The following GATM variants were observed in gnomAD, a reference collection of about 807,000 sequenced individuals.
GATM encodes the protein glycine amidinotransferase, mitochondrial.
Under a neutral mutation model 54.2 loss-of-function variants are expected in GATM, and 23 were observed. The observed-to-expected ratio is 0.42, with a 90% CI of 0.31 to 0.60. GATM has a LOEUF of 0.60. Among genes scored for constraint, GATM ranks in the 20% least tolerant of loss-of-function variants. GATM has a pLI of 0.14. For synonymous variants in GATM, 168 were observed against 183.1 expected (o/e 0.92, Z 0.67); for missense variants, 401 against 544.9 (o/e 0.74, Z 2.63).
At chr15:45,397,807 T>A (rs1266366102) in intron 2 of GATM, among the ~76,000 whole-genome samples, 2 of 152,178 alleles carry the variant, frequency 1.3e-5, no homozygotes. Context: ...CTTGAGGGAC[T>A]GGGCCCTGAA....
At chr15:45,376,123 C>A (rs140279017) in intron 2 of GATM, among the ~76,000 whole-genome samples, 14 of 152,276 alleles carry the variant, frequency 9.2e-5, no homozygotes, top group Non-Finnish European at 1.8e-4. Context: ...GAGGAGGGAT[C>A]CACTTGAGCA....
chr15:45,369,737 A>G, intron 2 of GATM: 1 of 559,088 alleles, frequency 1.8e-6, no homozygotes, highest in Non-Finnish European at 3.2e-6. Flanking sequence ...TGATATTTTG[A>G]GGCCTTTTGC....
chr15:45,367,695 A>T (rs1889471979), intron 4 of GATM, among the ~76,000 whole-genome samples: 1 of 152,216 alleles, frequency 6.6e-6, no homozygotes, highest in Non-Finnish European at 1.5e-5. Flanking sequence ...AGTGAACTTC[A>T]GTCTAGTGAC....
At chr15:45,396,577 A>G (rs377152689) in intron 3 of GATM, among the ~76,000 whole-genome samples, 11 of 152,164 alleles carry the variant, frequency 7.2e-5, no homozygotes, top group African/African-American at 2.4e-4. Context: ...CAGTCTTAAG[A>G]TACAGTATTT....
intron 2 of GATM, 23 bp from the exon 3 acceptor site, chr15:45,369,544 A>G (rs769670836): frequency 6.3e-7 from 1 of 1,599,714 alleles, no homozygotes; most frequent in East Asian, 2.2e-5. Context: ...GCAAATAAAC[A>G]CAATACTTAC....
intron 1 of GATM, chr15:45,377,029 T>C (rs1889650210): frequency 1.6e-6 from 1 of 606,156 alleles, no homozygotes; most frequent in Non-Finnish European, 3.0e-6. Context: ...AATTGTCTTC[T>C]TATCTATTAA....
At position 45,368,006 on chromosome 15, in the gene GATM, ATCTTACTCT is replaced by A. The variant is rs1889475775; in HGVS notation, c.675+55_675+63del. 1.4e-6 allele frequency: 2 copies of A among 1,412,998 alleles called. No individual in the cohort carries two copies. Among genetic ancestry groups the A allele is most frequent in the Non-Finnish European group, 2.0e-6 (2 of 1,002,388 alleles). The allele number at this position is 1,412,998 out of a possible 1,614,324, so 87.5% of individuals were successfully genotyped here. On this transcript the variant is annotated intron_variant, in intron 4 of 8. Coordinates refer to ENST00000396659, the MANE Select transcript of GATM (RefSeq NM_001482.3). This position sits in a 1 kb window ranked among gnomAD's most constrained non-coding sequence, Gnocchi z 5.1. ...ATATACAAGGTATCAGAGAATCTCT[ATCTTACTCT>A]TTGTGGATCATTTAGAAAAGTTAGT...
At chr15:45,375,512 A>C (rs556365314) in intron 2 of GATM, among the ~76,000 whole-genome samples, 5 of 152,206 alleles carry the variant, frequency 3.3e-5, no homozygotes, top group Non-Finnish European at 7.4e-5. Context: ...GAAGAGACTT[A>C]GGTAGGGGCA....
At position 45,362,107 on chromosome 15, in the gene GATM, G is replaced by C. The variant is rs779713846; in HGVS notation, c.*2C>G. 6.3e-7 allele frequency: 1 copy of C among 1,577,128 alleles called. No homozygotes were observed. The highest frequency in any genetic ancestry group is 8.7e-7 in the Non-Finnish European group (1 of 1,146,986). On this transcript the variant is annotated 3_prime_UTR_variant, in exon 9 of 9. Transcript: ENST00000396659. The stretch of plus-strand genomic sequence containing the variant: ...GCCAGCCACAAGCTCCATCAGGCCT[G>C]TTCAGTCCAAGTAGGACTGTAAGGT...
chr15:45,375,998 G>C (rs1400478320), intron 2 of GATM, among the ~76,000 whole-genome samples: 1 of 152,208 alleles, frequency 6.6e-6, no homozygotes. Flanking sequence ...AATGAGGCAA[G>C]ATTCATTTTT....
At chr15:45,396,377 A>C (rs1889930646) in intron 3 of GATM, 1 of 152,248 alleles carries the variant, frequency 6.6e-6, no homozygotes, top group Non-Finnish European at 1.5e-5. Flanking sequence ...TCAAAGTATA[A>C]GAGATTTTTC....
intron 2 of GATM, chr15:45,397,090 G>A (rs1051282061): frequency 6.6e-6 from 1 of 151,534 alleles, no homozygotes; most frequent in Non-Finnish European, 1.5e-5. Context: ...TTCCTGTTGT[G>A]AAGTAAGAAA....
Position 45,369,401 on chromosome 15 carries a change from C to T in GATM, c.409G>A (p.Glu137Lys), listed in dbSNP as rs748495613. ...TCAGGCCTCCTTACTGTCACTCCTT[C>T]CGTTTTTAAAATATTGCACATTTCT... ...IEEMCNILKTEGVTVRRPDPI... is the reference protein window; with the variant it reads ...IEEMCNILKTKGVTVRRPDPI... Residue 137 changes from glutamate (E) to lysine (K), a missense_variant, in exon 3 of 9, where the codon GAA becomes AAA. Glu to Lys is a moderately conservative substitution (Grantham distance 56, BLOSUM62 1). Transcript: ENST00000396659. 7 of 1,614,172 alleles carry T rather than the reference C, an allele frequency of 4.3e-6. No individual in the cohort carries two copies. The highest frequency in any genetic ancestry group is 5.9e-6 in the Non-Finnish European group (7 of 1,180,018).
chr15:45,381,085 A>G (rs1261268757), upstream of GATM, among the ~76,000 whole-genome samples: 1 of 152,216 alleles, frequency 6.6e-6, no homozygotes, highest in African/African-American at 2.4e-5. Context: ...AAGTATCTAT[A>G]TAGTGATAGT....
Position 45,397,986 on chromosome 15 carries a change from G to C in GATM, c.-479-904C>G, listed in dbSNP as rs185506820. Reference sequence around the variant, plus strand: ...AGTGGCTGAGTGGTGTATGAGAGTAGGAAAAACAATTTGTTTTGTTTTTCC... The same window carrying C: ...AGTGGCTGAGTGGTGTATGAGAGTACGAAAAACAATTTGTTTTGTTTTTCC... On this transcript the variant is annotated intron_variant, in intron 2 of 4. Transcript: ENST00000561148. Among the ~76,000 whole-genome samples the C allele has an allele frequency of 2.6e-5, 4 of 152,268 alleles. No individual in the cohort carries two copies. In the East Asian group the frequency reaches 7.7e-4, roughly 29 times the overall value.
chr15:45,378,122 G>A (rs1889672303), intron 1 of GATM: 4 of 422,446 alleles, frequency 9.5e-6, no homozygotes, highest in African/African-American at 2.1e-5. Flanking sequence ...GGCCGCGGAC[G>A]CGCAGACAGC....
intron 3 of GATM, among the ~76,000 whole-genome samples, chr15:45,386,956 T>A (rs1340254287): frequency 1.3e-5 from 2 of 152,200 alleles, no homozygotes; most frequent in Non-Finnish European, 2.9e-5. Flanking sequence ...ATATTGAACT[T>A]TTGCTTAGGA....
upstream of GATM, chr15:45,380,557 CT>C (rs1335681285): frequency 1.3e-5 from 2 of 152,118 alleles, no homozygotes; most frequent in Admixed American, 1.3e-4. Context: ...AGATGTGCTT[CT>C]CCTGAAAAGA....
chr15:45,398,200 C>G (rs919997258), intron 2 of GATM, among the ~76,000 whole-genome samples: 1 of 152,094 alleles, frequency 6.6e-6, no homozygotes, highest in Non-Finnish European at 1.5e-5. Context: ...AAATACTCAG[C>G]CTCTGGTATA....
Sources: gnomAD v4.1 joint callset for allele counts (sites outside exome capture counted in the v4.1 genomes callset) on GRCh38, gnomAD v4.1.1 for gene constraint, Gnocchi (gnomAD v3.1) non-coding constraint, MANE v1.5 for transcripts, NCBI Gene and HGNC (gene_info 2026-07-23, HGNC 2026-07-21) for gene names.